The following NIPSNAP2 variants were observed in gnomAD, a reference collection of about 807,000 sequenced individuals.
NIPSNAP2 encodes nipsnap homolog 2.
In NIPSNAP2, 42 loss-of-function variants were observed where a neutral mutation model predicts 48.4. That is an observed-to-expected ratio of 0.87 (90% confidence interval 0.68 to 1.12). The LOEUF is 1.12. Ranked by LOEUF, NIPSNAP2 falls within the 50% of genes most tolerant of loss-of-function variation. NIPSNAP2 has a pLI of 0.00. For missense variants in NIPSNAP2, 314 were observed against 347.3 expected (o/e 0.90, Z 0.76); for synonymous variants, 158 against 126.6 (o/e 1.25, Z -1.67).
At chr7:55,987,631 C>A (rs1387081033) in intron 7 of NIPSNAP2, among the ~76,000 whole-genome samples, 4 of 152,028 alleles carry the variant, frequency 2.6e-5, no homozygotes, top group Non-Finnish European at 1.5e-5. Context: ...CATCCCCCGC[C>A]TCCAAAAAAG....
intron 3 of NIPSNAP2, chr7:55,979,811 G>A (rs1272283565): frequency 4.4e-6 from 2 of 456,564 alleles, no homozygotes; most frequent in Non-Finnish European, 8.8e-6. Flanking sequence ...GGTTTTTAGG[G>A]GTCCCAATAA....
chr7:55,997,431 G>C lies in NIPSNAP2; in HGVS notation c.778G>C (p.Glu260Gln). 2 of 1,613,054 alleles carry C rather than the reference G, an allele frequency of 1.2e-6. No homozygotes were observed. The highest frequency in any genetic ancestry group is 1.7e-6 in the Non-Finnish European group (2 of 1,179,094). ...AGCATGGCACAAACATGGCTGGGAG[G>C]AATTGGTATATTACACAGGTAATCT... is the stretch of plus-strand genomic sequence containing the variant. ...NAAWHKHGWE[E>Q]LVYYTVPLIQ... The change falls in exon 9 of 10, where the codon GAA becomes CAA. Residue 260 changes from glutamate (E) to glutamine (Q), a missense_variant. Around this residue, in one of 2 missense-constraint regions of NIPSNAP2, gnomAD observed 116 missense variants for 161.8 expected, o/e 0.72. Transcript: ENST00000322090.
chr7:55,979,401 G>A (rs1178500810), intron 3 of NIPSNAP2: 1 of 167,626 alleles, frequency 6.0e-6, no homozygotes, highest in African/African-American at 2.4e-5. Context: ...TTGATGTTGT[G>A]CTCTCACTTC....
At chr7:55,984,968 A>C in intron 7 of NIPSNAP2, 90 bp downstream of exon 7, 1 of 1,002,736 alleles carries the variant, frequency 1.0e-6, no homozygotes. Flanking sequence ...AAATCTGAGG[A>C]TAGTACTGTG....
chr7:55,978,141 C>T lies in NIPSNAP2; in HGVS notation c.108C>T (p.Ser36=). The T allele has an allele frequency of 1.9e-6, 3 of 1,614,104 alleles. No homozygotes were observed. Among genetic ancestry groups the T allele is most frequent in the Non-Finnish European group, 2.5e-6 (3 of 1,180,024 alleles). ...TATTCCATAGGACATGGACATCTTCCAGCAACAGATCTCGAGAAGACAGCT... is the reference window on the plus strand; with the variant it reads ...TATTCCATAGGACATGGACATCTTCTAGCAACAGATCTCGAGAAGACAGCT... ...LLPRLRTWTS[S]SNRSREDSWL... Residue 36 remains serine, a synonymous_variant, in exon 2 of 10, where the codon TCC becomes TCT. Transcript: ENST00000322090.
intron 1 of NIPSNAP2, among the ~76,000 whole-genome samples, chr7:55,967,228 C>T (rs150033746): frequency 3.9e-5 from 6 of 152,184 alleles, no homozygotes. Context: ...TTTGGTTGTT[C>T]TTCTCCAGTC....
intron 1 of NIPSNAP2, among the ~76,000 whole-genome samples, chr7:55,977,014 A>G (rs73138750): frequency 0.14 from 21,814 of 152,208 alleles, 1,738 homozygotes; most frequent in Non-Finnish European, 0.18. Context: ...TTAGCAAATT[A>G]TGTGTTAATA....
At chr7:55,982,674 C>A (rs1331949705) in intron 5 of NIPSNAP2, among the ~76,000 whole-genome samples, 1 of 151,520 alleles carries the variant, frequency 6.6e-6, no homozygotes, top group Non-Finnish European at 1.5e-5. Context: ...ATGGCGTGAA[C>A]CCGGGAGGTG....
chr7:55,995,659 C>G (rs934236711), intron 8 of NIPSNAP2, among the ~76,000 whole-genome samples: 2 of 152,154 alleles, frequency 1.3e-5, no homozygotes, highest in African/African-American at 4.8e-5. Flanking sequence ...GGTTCCATCC[C>G]TTTGGCTGTT....
At chr7:55,972,139 C>T (rs908446197) in intron 1 of NIPSNAP2, among the ~76,000 whole-genome samples, 1 of 152,004 alleles carries the variant, frequency 6.6e-6, no homozygotes, top group African/African-American at 2.4e-5. Context: ...AAACCCACCT[C>T]TACTAAAAAT....
At chr7:55,969,485 G>A (rs113603419) in intron 1 of NIPSNAP2, among the ~76,000 whole-genome samples, 16 of 152,210 alleles carry the variant, frequency 1.1e-4, no homozygotes, top group African/African-American at 3.6e-4. Context: ...CAGGTACTTC[G>A]TTAGAGCAGG....
chr7:55,978,328 G>T (rs140053997), intron 2 of NIPSNAP2, 22 bp from the exon 3 acceptor site: 36 of 1,612,818 alleles, frequency 2.2e-5, no homozygotes, highest in Non-Finnish European at 3.1e-5. Flanking sequence ...TAAGTTTATC[G>T]TTGAATTTTC....
chr7:55,973,139 A>AT (rs996354568), intron 1 of NIPSNAP2, among the ~76,000 whole-genome samples: 6 of 152,102 alleles, frequency 3.9e-5, no homozygotes, highest in African/African-American at 1.4e-4. Flanking sequence ...GAAAAGCACA[A>AT]TATAGACATT....
chr7:55,971,838 C>T (rs939594750), intron 1 of NIPSNAP2, among the ~76,000 whole-genome samples: 2 of 152,056 alleles, frequency 1.3e-5, no homozygotes, highest in Non-Finnish European at 2.9e-5. Flanking sequence ...TATTAGTAGT[C>T]ATTGCTTTAG....
chr7:55,975,040 T>C (rs996786112), intron 1 of NIPSNAP2, among the ~76,000 whole-genome samples: 2 of 151,888 alleles, frequency 1.3e-5, no homozygotes, highest in African/African-American at 4.8e-5. Context: ...GCAGAAAAGA[T>C]CTATGTGTAG....
intron 1 of NIPSNAP2, among the ~76,000 whole-genome samples, chr7:55,974,714 G>C (rs1346733534): frequency 3.3e-5 from 5 of 151,996 alleles, no homozygotes; most frequent in Non-Finnish European, 5.9e-5. Context: ...CGGGTGTGGC[G>C]GCGGGCGCCT....
intron 8 of NIPSNAP2, 73 bp from the exon 9 acceptor site, chr7:55,997,292 GA>G: frequency 9.2e-7 from 1 of 1,084,378 alleles, no homozygotes. Context: ...GGTGAAGCAA[GA>G]CTTTAACGGA....
intron 1 of NIPSNAP2, among the ~76,000 whole-genome samples, chr7:55,967,935 T>TCACCACACC (rs1786931054): frequency 6.6e-6 from 1 of 151,728 alleles, no homozygotes; most frequent in African/African-American, 2.4e-5. Context: ...CAGGGATGAA[T>TCACCACACC]CACCACACCC....
intron 1 of NIPSNAP2, among the ~76,000 whole-genome samples, chr7:55,975,126 G>T (rs1298033063): frequency 6.6e-6 from 1 of 152,130 alleles, no homozygotes; most frequent in East Asian, 1.9e-4. Context: ...GCCAAGGCAG[G>T]AGGATCGCTT....
Sources: gnomAD v4.1 joint callset for allele counts (sites outside exome capture counted in the v4.1 genomes callset) on GRCh38, gnomAD v4.1.1 for gene constraint, gnomAD v4.1.1 regional missense constraint, MANE v1.5 for transcripts, NCBI Gene and HGNC (gene_info 2026-07-23, HGNC 2026-07-21) for gene names.